Variants in MMP16 observed in about 807,000 individuals in gnomAD.
The protein encoded by MMP16 is matrix metalloproteinase-16.
A neutral mutation model predicts 67.8 loss-of-function variants in MMP16; 12 were observed. The ratio of observed to expected loss-of-function variants is 0.18; its 90% confidence interval spans 0.11 to 0.29. The LOEUF (loss-of-function observed/expected upper bound fraction) is 0.29. Among genes scored for constraint, MMP16 ranks in the 10% least tolerant of loss-of-function variants. The pLI is 1.00. For synonymous variants in MMP16, 249 were observed against 255.9 expected, an observed-to-expected ratio of 0.97 and a Z score of 0.26; for missense variants, 475 against 765.7, an observed-to-expected ratio of 0.62 and a Z score of 4.48.
At chr8:88,209,266 C>A (rs1033683334) in intron 1 of MMP16, among the ~76,000 whole-genome samples, 2 of 152,136 alleles carry the variant, frequency 1.3e-5, no homozygotes, top group Non-Finnish European at 2.9e-5. Context: ...CCAACCCCTT[C>A]TCTTCCTCCT....
chr8:88,175,257 T>C (rs74760894), intron 3 of MMP16, among the ~76,000 whole-genome samples: 6,165 of 152,266 alleles, frequency 0.04, 410 homozygotes, highest in African/African-American at 0.14. Context: ...TATAATGAGT[T>C]TGCTATCAAA....
At chr8:88,133,979 T>C (rs2118482275) in intron 4 of MMP16, among the ~76,000 whole-genome samples, 1 of 151,820 alleles carries the variant, frequency 6.6e-6, no homozygotes, top group East Asian at 1.9e-4. Flanking sequence ...CAGTTTTCTG[T>C]TGTAAATAAA....
intron 1 of MMP16, among the ~76,000 whole-genome samples, chr8:88,230,982 G>C (rs1809851367): frequency 6.6e-6 from 1 of 152,006 alleles, no homozygotes; most frequent in South Asian, 2.1e-4. Context: ...GCCCCTTCTG[G>C]ATCTTAGTAT....
chr8:88,296,269 T>G (rs1050625831), intron 1 of MMP16, among the ~76,000 whole-genome samples: 8 of 152,210 alleles, frequency 5.3e-5, no homozygotes, highest in Non-Finnish European at 8.8e-5. Context: ...GAATAATGGT[T>G]TAAAGTGCAT....
At chr8:88,141,855 A>G (rs1808216384) in intron 4 of MMP16, among the ~76,000 whole-genome samples, 1 of 152,104 alleles carries the variant, frequency 6.6e-6, no homozygotes, top group Non-Finnish European at 1.5e-5. Flanking sequence ...TGGTCAAATA[A>G]TTATGTGACT....
chr8:88,149,471 T>A (rs1808360729), intron 4 of MMP16, among the ~76,000 whole-genome samples: 1 of 152,126 alleles, frequency 6.6e-6, no homozygotes, highest in Admixed American at 6.5e-5. Context: ...GTCTGACAGC[T>A]TTGAAGAGAG....
intron 1 of MMP16, among the ~76,000 whole-genome samples, chr8:88,284,987 C>T (rs1378805992): frequency 2.0e-5 from 3 of 152,080 alleles, no homozygotes; most frequent in Non-Finnish European, 4.4e-5. Flanking sequence ...TATTATGGGC[C>T]TCTGTTAATA....
intron 5 of MMP16, among the ~76,000 whole-genome samples, chr8:88,118,385 A>G (rs1315079054): frequency 1.3e-5 from 2 of 151,928 alleles, no homozygotes; most frequent in Non-Finnish European, 2.9e-5. Context: ...ACATTCATTT[A>G]TTACATATTT....
intron 4 of MMP16, among the ~76,000 whole-genome samples, chr8:88,161,447 T>G (rs958365943): frequency 6.6e-6 from 1 of 152,150 alleles, no homozygotes; most frequent in African/African-American, 2.4e-5. Flanking sequence ...CTTTTCTTCT[T>G]TATTAGTCTC....
At chr8:88,181,922 C>G (rs893517176) in intron 3 of MMP16, among the ~76,000 whole-genome samples, 1 of 151,982 alleles carries the variant, frequency 6.6e-6, no homozygotes, top group Non-Finnish European at 1.5e-5. Context: ...ATCTTTTCAA[C>G]AAATGGTGTT....
chr8:88,174,900 C>T (rs767765614), intron 3 of MMP16, among the ~76,000 whole-genome samples: 1 of 151,952 alleles, frequency 6.6e-6, no homozygotes, highest in South Asian at 2.1e-4. Context: ...ATAAAACGCA[C>T]GCGCCACCAC....
At chr8:88,121,642 A>G (rs1464018577) in intron 4 of MMP16, among the ~76,000 whole-genome samples, 3 of 152,048 alleles carry the variant, frequency 2.0e-5, no homozygotes, top group African/African-American at 7.2e-5. Flanking sequence ...CAAGCAGGCA[A>G]CAAAGGAGAA....
intron 7 of MMP16, among the ~76,000 whole-genome samples, chr8:88,062,700 T>G (rs1315231387): frequency 6.6e-6 from 1 of 151,986 alleles, no homozygotes; most frequent in Non-Finnish European, 1.5e-5. Context: ...GAGATATACC[T>G]AATGTAAATG....
chr8:88,069,467 C>T (rs750344988), intron 7 of MMP16: 18 of 531,468 alleles, frequency 3.4e-5, no homozygotes, highest in Non-Finnish European at 6.6e-5. Context: ...GAATCCATTT[C>T]CAATGGTATT....
intron 1 of MMP16, among the ~76,000 whole-genome samples, chr8:88,294,410 A>C (rs1020763198): frequency 1.4e-5 from 2 of 141,882 alleles, no homozygotes; most frequent in African/African-American, 6.0e-5. Flanking sequence ...GTATATACAT[A>C]TATACACATA....
intron 9 of MMP16, among the ~76,000 whole-genome samples, chr8:88,043,796 A>T (rs540045377): frequency 3.3e-5 from 5 of 152,210 alleles, no homozygotes; most frequent in Non-Finnish European, 7.3e-5. Context: ...TTGGTATTTG[A>T]TCACGTTAAT....
intron 1 of MMP16, among the ~76,000 whole-genome samples, chr8:88,219,408 G>T (rs936136704): frequency 6.6e-6 from 1 of 152,008 alleles, no homozygotes; most frequent in Non-Finnish European, 1.5e-5. Context: ...GAAAGCAAGA[G>T]GAGATGAAGT....
At chr8:88,082,055 A>G (rs1180623211) in intron 6 of MMP16, among the ~76,000 whole-genome samples, 1 of 152,146 alleles carries the variant, frequency 6.6e-6, no homozygotes, top group African/African-American at 2.4e-5. Flanking sequence ...CAAATGGTCA[A>G]TTAATCTAAT....
chr8:88,236,224 A>T (rs757222495), intron 1 of MMP16, among the ~76,000 whole-genome samples: 1 of 152,238 alleles, frequency 6.6e-6, no homozygotes, highest in Admixed American at 6.5e-5. Context: ...GGTTGAGATC[A>T]CATATTCTAG....
Sources: gnomAD v4.1 joint callset for allele counts (sites outside exome capture counted in the v4.1 genomes callset) on GRCh38, gnomAD v4.1.1 for gene constraint, MANE v1.5 for transcripts, NCBI Gene and HGNC (gene_info 2026-07-23, HGNC 2026-07-21) for gene names.